Variants in PAX1 observed in about 807,000 individuals in gnomAD.
PAX1 encodes paired box protein Pax-1.
A neutral mutation model predicts 35.6 loss-of-function variants in PAX1; 18 were observed. That is an observed-to-expected ratio of 0.50 (90% CI 0.35 to 0.75). The LOEUF (loss-of-function observed/expected upper bound fraction) is 0.75, where lower values mean the gene tolerates loss of function less well. Ranked by LOEUF, PAX1 falls within the 30% of genes least tolerant of loss-of-function variation. The pLI is 0.01. For synonymous variants in PAX1, 397 were observed against 305.2 expected, an observed-to-expected ratio of 1.30 and a Z score of -3.14; for missense variants, 760 against 661.5, an observed-to-expected ratio of 1.15 and a Z score of -1.63.
chr20:21,706,223 A>C lies in PAX1; in HGVS notation c.287-215A>C. 1.3e-6 allele frequency: 1 copy of C among 782,024 alleles called. No individual in the cohort carries two copies. Among genetic ancestry groups the C allele is most frequent in the East Asian group, 2.7e-5 (1 of 37,542 alleles). The allele number at this position is 782,024 out of a possible 1,614,324, so 48.4% of individuals were successfully genotyped here. On this transcript the variant is annotated intron_variant, in intron 1 of 4. Transcript: ENST00000613128. This position sits in a 1 kb window ranked among gnomAD's most constrained non-coding sequence, Gnocchi z 5.3. Reference sequence around the variant, plus strand: ...GTCGCGAAAGGGCACGGAGGGCTACAATGCGCCGCGCTCCACTCCGCGGCT... The same window carrying C: ...GTCGCGAAAGGGCACGGAGGGCTACCATGCGCCGCGCTCCACTCCGCGGCT...
chr20:21,706,381 C>T lies in PAX1; in HGVS notation c.287-57C>T, dbSNP rs1454710985. The stretch of plus-strand genomic sequence containing the variant: ...CCTCGCTCCGCGTGGGGACCCTTGG[C>T]TAACCCGCCGGGTGTTTTCTCCCCC... On this transcript the variant is annotated intron_variant, in intron 1 of 4. Transcript: ENST00000613128. This position sits in a 1 kb window ranked among gnomAD's most constrained non-coding sequence, Gnocchi z 5.3. 6 of 1,603,944 alleles carry T rather than the reference C, an allele frequency of 3.7e-6. 2 individuals carry two copies. In the South Asian group the frequency reaches 6.6e-5, roughly 18 times the overall value.
At position 21,709,457 on chromosome 20, in the gene PAX1, G is replaced by C; in HGVS notation, c.1282+13G>C. The C allele has an allele frequency of 6.6e-7, 1 of 1,509,192 alleles. No homozygotes were observed. The highest frequency in any genetic ancestry group is 1.2e-5 in the South Asian group (1 of 80,122). The allele number at this position is 1,509,192 out of a possible 1,614,324, so 93.5% of individuals were successfully genotyped here. A position where few individuals can be genotyped will look rare whatever the true frequency, so the allele number is the denominator to read the frequency against. Reference sequence around the variant, plus strand: ...CCCAGCCGAGAAGGTGAGGAGCGCAGGGAGTGGGGCGGGTGGATGCTGGAA... The same window carrying C: ...CCCAGCCGAGAAGGTGAGGAGCGCACGGAGTGGGGCGGGTGGATGCTGGAA... On this transcript the variant is annotated intron_variant, in intron 4 of 4. Transcript: ENST00000613128.
chr20:21,707,461 T>A (rs1985055971), intron 2 of PAX1, among the ~76,000 whole-genome samples: 1 of 152,080 alleles, frequency 6.6e-6, no homozygotes, highest in Non-Finnish European at 1.5e-5. Flanking sequence ...TGTCCCCCAC[T>A]CCCAGGCCCA....
chr20:21,712,601 G>C (rs1311394313), intron 4 of PAX1, among the ~76,000 whole-genome samples: 1 of 152,178 alleles, frequency 6.6e-6, no homozygotes, highest in African/African-American at 2.4e-5. Flanking sequence ...TGGGGCTCTG[G>C]AATGACTAAA....
At position 21,706,441 on chromosome 20, in the gene PAX1, A is replaced by C. The variant is rs763439353; in HGVS notation, c.290A>C (p.Gln97Pro). ...RQLAGPLAME[Q>P]TYGEVNQLGG... ...CTCTTGTCTGGCGCATCCGCAGAGC[A>C]GACGTATGGCGAGGTGAACCAGCTG... Residue 97 changes from glutamine (Q) to proline (P), a missense_variant, in exon 2 of 5, where the codon CAG becomes CCG. Physicochemically the swap from Gln to Pro is moderately conservative, Grantham distance 76. Coordinates refer to ENST00000613128, the MANE Select transcript of PAX1 (RefSeq NM_001257096.2). The surrounding 1 kb of genome is among the most constrained non-coding windows in gnomAD (Gnocchi z 5.3). 1.2e-6 allele frequency: 2 copies of C among 1,611,218 alleles called. No homozygotes were observed. The highest frequency in any genetic ancestry group is 1.1e-5 in the South Asian group (1 of 91,074).
rs77396396 is a variant in PAX1, at chr20:21,709,363, C to T, written c.1201C>T (p.Leu401=). ...GTGGCCGCCTGCGCAAGGTCCTCCT[C>T]TGGCGCCCCCCGGGGCCGGCGTAGC... The part of the protein sequence containing the change: ...PPWPPAQGPP[L]APPGAGVAVH... Residue 401 remains leucine, a synonymous_variant, in exon 4 of 5, where the codon CTG becomes TTG. Coordinates refer to ENST00000613128, the MANE Select transcript of PAX1 (RefSeq NM_001257096.2). The T allele has an allele frequency of 1.6e-3, 2,482 of 1,584,804 alleles. 36 individuals carry two copies. The African/African-American group carries it at 0.03, about 19-fold the overall frequency.
Position 21,708,645 on chromosome 20 carries a change from C to G in PAX1, c.1004C>G (p.Pro335Arg), listed in dbSNP as rs1354029350. ...GVNRTAFPAT[P>R]AVNGLEKPAL... ...AACCGCACGGCCTTCCCCGCCACCC[C>G]CGCAGTGAATGGGCTAGAGAAACCT... Residue 335 changes from proline (P) to arginine (R), a missense_variant, in exon 3 of 5, where the codon CCC becomes CGC. By Grantham distance (103) the Pro-to-Arg change is moderately radical. Coordinates refer to ENST00000613128, the MANE Select transcript of PAX1 (RefSeq NM_001257096.2). 1.2e-6 allele frequency: 2 copies of G among 1,613,530 alleles called. No homozygotes were observed. The highest frequency in any genetic ancestry group is 2.7e-5 in the African/African-American group (2 of 74,944).
chr20:21,716,008 C>T lies in PAX1; in HGVS notation c.*1446C>T, dbSNP rs1207169579. On this transcript the variant is annotated 3_prime_UTR_variant, in exon 5 of 5. Transcript: ENST00000613128. The stretch of plus-strand genomic sequence containing the variant: ...TGTGGTGAGGTGAGCAAGTCTGTTT[C>T]TGAGCGCAGAGTGTTGAGTTCTTAC... The T allele has an allele frequency of 6.6e-6, 1 of 152,262 alleles. No homozygotes were observed. Among genetic ancestry groups the T allele is most frequent in the African/African-American group, 2.4e-5 (1 of 41,452 alleles). The allele number at this position is 152,262 out of a possible 1,614,324, so 9.4% of individuals were successfully genotyped here.
At chr20:21,710,624 G>T (rs1985171476) in intron 4 of PAX1, among the ~76,000 whole-genome samples, 1 of 149,726 alleles carries the variant, frequency 6.7e-6, no homozygotes, top group African/African-American at 2.5e-5. Context: ...CCTCCTTGGT[G>T]CTGCCCAGGC....
At chr20:21,714,408 C>A in intron 4 of PAX1, 63 bp from the exon 5 acceptor site, 1 of 1,261,764 alleles carries the variant, frequency 7.9e-7, no homozygotes, top group South Asian at 1.4e-5. Flanking sequence ...TCCTGAGTCC[C>A]AGTGCCTCTC....
At chr20:21,712,995 T>G (rs972997320) in intron 4 of PAX1, among the ~76,000 whole-genome samples, 1 of 152,166 alleles carries the variant, frequency 6.6e-6, no homozygotes, top group African/African-American at 2.4e-5. Flanking sequence ...CTTGTTGTCC[T>G]ATGGAGGGAA....
At position 21,709,094 on chromosome 20, in the gene PAX1, G is replaced by T. The variant is rs185134686; in HGVS notation, c.1060-128G>T. 4.7e-4 allele frequency: 378 copies of T among 804,832 alleles called. 1 individual carries two copies. In the African/African-American group the frequency reaches 5.9e-3, roughly 13 times the overall value. The allele number at this position is 804,832 out of a possible 1,614,324, so 49.9% of individuals were successfully genotyped here. ...CTAGGAAATTTAGAGGCCAGGCCTC[G>T]CATGGGGATAATGGATGGGCACAGG... is the stretch of plus-strand genomic sequence containing the variant. On this transcript the variant is annotated intron_variant, in intron 3 of 4. Coordinates refer to ENST00000613128, the MANE Select transcript of PAX1 (RefSeq NM_001257096.2).
intron 4 of PAX1, among the ~76,000 whole-genome samples, chr20:21,713,363 C>A (rs1326689477): frequency 7.1e-6 from 1 of 141,744 alleles, no homozygotes; most frequent in Non-Finnish European, 1.5e-5. Context: ...TCAACGAAAC[C>A]GTGTGTTTTC....
rs754621015 is a variant in PAX1 at position 21,714,767 on chromosome 20, G to T, written c.*205G>T. 13 of 1,601,326 alleles carry T rather than the reference G, an allele frequency of 8.1e-6. No individual in the cohort carries two copies. In the South Asian group the frequency reaches 1.4e-4, roughly 18 times the overall value. On this transcript the variant is annotated 3_prime_UTR_variant, in exon 5 of 5. Transcript: ENST00000613128. ...CGGACCCACCACACTTCCTTTATTG[G>T]TCTGGGTTTTTAGGCTTCTCTGAAC...
rs780254769 is a variant in PAX1 at position 21,706,972 on chromosome 20, C to T, written c.821C>T (p.Pro274Leu). ...GAKMGSHPGV[P>L]GTAGHVSIPR... Reference sequence around the variant, plus strand: ...AAGATGGGCAGCCACCCCGGGGTCCCGGGCACGGCGGGCCACGTCAGCATC... The same window carrying T: ...AAGATGGGCAGCCACCCCGGGGTCCTGGGCACGGCGGGCCACGTCAGCATC... Residue 274 changes from proline to leucine, a missense_variant, in exon 2 of 5, where the codon CCG becomes CTG. This residue lies in a region of PAX1 where 490 missense variants were observed against 428.4 expected (regional missense o/e 1.14). Transcript: ENST00000613128. This position sits in a 1 kb window ranked among gnomAD's most constrained non-coding sequence, Gnocchi z 5.3. 1.9e-6 allele frequency: 3 copies of T among 1,612,558 alleles called. No homozygotes were observed. The highest frequency in any genetic ancestry group is 2.5e-6 in the Non-Finnish European group (3 of 1,179,688).
At position 21,706,432 on chromosome 20, in the gene PAX1, C is replaced by T. The variant is rs1329937918; in HGVS notation, c.287-6C>T. 6.2e-7 allele frequency: 1 copy of T among 1,611,544 alleles called. No individual in the cohort carries two copies. Among genetic ancestry groups the T allele is most frequent in the Non-Finnish European group, 8.5e-7 (1 of 1,179,726 alleles). The stretch of plus-strand genomic sequence containing the variant: ...TCCGGCTCACTCTTGTCTGGCGCAT[C>T]CGCAGAGCAGACGTATGGCGAGGTG... On this transcript the variant is annotated splice_region_variant and splice_polypyrimidine_tract_variant and intron_variant, in intron 1 of 4. Coordinates refer to ENST00000613128, the MANE Select transcript of PAX1 (RefSeq NM_001257096.2). This position sits in a 1 kb window ranked among gnomAD's most constrained non-coding sequence, Gnocchi z 5.3.
rs1985377576 is a variant in PAX1 at position 21,716,514 on chromosome 20, T to C, written c.*1952T>C. ...GATTCAAAGTCTCTTGTCTTTTTTT[T>C]TTTTTTTTTTTAAAGTTTCACTTTG... is the stretch of plus-strand genomic sequence containing the variant. On this transcript the variant is annotated 3_prime_UTR_variant, in exon 5 of 5. Transcript: ENST00000613128. 1 of 151,824 alleles carries C rather than the reference T, an allele frequency of 6.6e-6. No homozygotes were observed. Among genetic ancestry groups the C allele is most frequent in the South Asian group, 2.1e-4 (1 of 4,828 alleles). 9.4% of individuals were successfully genotyped at this position (151,824 alleles called of 1,614,324 possible).
rs747116290 is a variant in PAX1, at chr20:21,709,315, G to A, written c.1153G>A (p.Gly385Ser). ...QHGVYSAPGG[G>S]YLAPGPPWPP... The stretch of plus-strand genomic sequence containing the variant: ...CGGCGTGTACAGCGCCCCGGGCGGC[G>A]GCTACCTCGCCCCGGGCCCGCCGTG... The change falls in exon 4 of 5, where the codon GGC becomes AGC. Residue 385 changes from glycine (G) to serine (S), a missense_variant. By Grantham distance (56) the Gly-to-Ser change is moderately conservative. Transcript: ENST00000613128. 6.9e-6 allele frequency: 11 copies of A among 1,601,084 alleles called. No individual in the cohort carries two copies. The Admixed American group carries it at 1.3e-4, about 19-fold the overall frequency.
intron 2 of PAX1, 164 bp from the exon 3 acceptor site, chr20:21,708,394 T>G (rs1985083706): frequency 2.4e-6 from 2 of 823,996 alleles, no homozygotes; most frequent in Admixed American, 3.4e-5. Flanking sequence ...CCACCCGGAG[T>G]GGTGAACATT....
Sources: gnomAD v4.1 joint callset for allele counts (sites outside exome capture counted in the v4.1 genomes callset) on GRCh38, gnomAD v4.1.1 for gene constraint, gnomAD v4.1.1 regional missense constraint, Gnocchi (gnomAD v3.1) non-coding constraint, MANE v1.5 for transcripts, NCBI Gene and HGNC (gene_info 2026-07-23, HGNC 2026-07-21) for gene names.